Variants in DIP2C observed in about 807,000 individuals in gnomAD.
DIP2C encodes disco-interacting protein 2 homolog C.
DIP2C carries 33 observed loss-of-function variants against 192.4 expected under a neutral mutation model. That is an observed-to-expected ratio of 0.17 (90% CI 0.13 to 0.23). The LOEUF (loss-of-function observed/expected upper bound fraction) is 0.23, where lower values mean the gene tolerates loss of function less well. Among genes scored for constraint, DIP2C ranks in the 10% least tolerant of loss-of-function variants. The probability of loss-of-function intolerance (pLI) is 1.00; values close to 1 mark genes in which losing one functional copy is unlikely to be tolerated. For missense variants in DIP2C, 1,537 were observed against 2,110.1 expected (o/e 0.73, Z 5.32); for synonymous variants, 979 against 864.1 (o/e 1.13, Z -2.33).
chr10:516,937 CCAT>C (rs916482993), intron 1 of DIP2C, among the ~76,000 whole-genome samples: 2 of 150,382 alleles, frequency 1.3e-5, no homozygotes, highest in Non-Finnish European at 3.0e-5. Context: ...AGGCCCGGGG[CCAT>C]CATCAGCCAG....
At chr10:541,091 G>GATGCTGGGGAGCCACAACACCCA (rs2130901123) in intron 1 of DIP2C, among the ~76,000 whole-genome samples, 1 of 146,458 alleles carries the variant, frequency 6.8e-6, no homozygotes, top group Non-Finnish European at 1.5e-5. Context: ...CACAACACCC[G>GATGCTGGGGAGCCACAACACCCA]ATGCTGGGGA....
intron 1 of DIP2C, among the ~76,000 whole-genome samples, chr10:509,660 G>C (rs953186597): frequency 1.3e-5 from 2 of 152,240 alleles, no homozygotes; most frequent in East Asian, 1.9e-4. Flanking sequence ...CCAGACGAGA[G>C]AGAGGCATCT....
rs575356276 is a variant in DIP2C, at chr10:274,984, A to G, written c.*2341T>C. ...CTTTCTCTTGCACAACCAAATTTCAATCTCAGTCCACCAACTCTTTTGAGC... is the reference window on the plus strand; with the variant it reads ...CTTTCTCTTGCACAACCAAATTTCAGTCTCAGTCCACCAACTCTTTTGAGC... On this transcript the variant is annotated 3_prime_UTR_variant, in exon 37 of 37. Coordinates refer to ENST00000280886, the MANE Select transcript of DIP2C (RefSeq NM_014974.3). 6.6e-6 allele frequency: 1 copy of G among 152,332 alleles called. No homozygotes were observed. Among genetic ancestry groups the G allele is most frequent in the East Asian group, 1.9e-4 (1 of 5,196 alleles). The allele number at this position is 152,332 out of a possible 1,614,324, so 9.4% of individuals were successfully genotyped here.
At chr10:336,921 T>TG (rs59758615) in intron 29 of DIP2C, among the ~76,000 whole-genome samples, 30 of 49,992 alleles carry the variant, frequency 6.0e-4, no homozygotes, top group South Asian at 1.3e-3. Flanking sequence ...TGTGTGTGTG[T>TG]TGTGGAGGCC....
intron 3 of DIP2C, among the ~76,000 whole-genome samples, chr10:459,869 A>G (rs927822628): frequency 6.8e-6 from 1 of 146,168 alleles, no homozygotes; most frequent in African/African-American, 2.7e-5. Flanking sequence ...TCTCACAGTC[A>G]CATCAGGGAA....
chr10:342,745 A>G (rs1017500874), intron 28 of DIP2C, among the ~76,000 whole-genome samples: 2 of 152,116 alleles, frequency 1.3e-5, no homozygotes, highest in Non-Finnish European at 2.9e-5. Flanking sequence ...ATCTTCCACC[A>G]TCCTGCATGG....
In DIP2C at chr10:367,142, A is replaced by G. The variant is rs181041258; in HGVS notation, c.2132-731T>C. On this transcript the variant is annotated intron_variant, in intron 18 of 36. Transcript: ENST00000280886. ...GAAGAAAGATTCACATTAAGGCCGGACGCGGTGGCTCACGCCTGTAATCCC... is the reference window on the plus strand; with the variant it reads ...GAAGAAAGATTCACATTAAGGCCGGGCGCGGTGGCTCACGCCTGTAATCCC... Among the ~76,000 whole-genome samples, 89 of 152,308 alleles carry G rather than the reference A, an allele frequency of 5.8e-4. 1 individual carries two copies. The highest frequency in any genetic ancestry group is 3.4e-3 in the Middle Eastern group (1 of 294).
chr10:316,249 G>A (rs936630752), intron 31 of DIP2C, among the ~76,000 whole-genome samples: 7 of 152,042 alleles, frequency 4.6e-5, no homozygotes, highest in South Asian at 2.1e-4. Flanking sequence ...TATGAAAAAC[G>A]AAGATTGTAT....
At chr10:484,981 A>G in intron 2 of DIP2C, 1 of 1,575,226 alleles carries the variant, frequency 6.3e-7, no homozygotes, top group Non-Finnish European at 8.6e-7. Flanking sequence ...TAATTAATTC[A>G]AACTTTAGTT....
chr10:360,821 C>T (rs1227239844), intron 22 of DIP2C, among the ~76,000 whole-genome samples: 2 of 152,194 alleles, frequency 1.3e-5, no homozygotes, highest in Non-Finnish European at 2.9e-5. Context: ...GTAAGAAAGG[C>T]AATTTGGGTG....
intron 1 of DIP2C, among the ~76,000 whole-genome samples, chr10:490,287 C>A (rs1453927609): frequency 6.6e-6 from 1 of 152,236 alleles, no homozygotes; most frequent in African/African-American, 2.4e-5. Flanking sequence ...TCTCACCTTG[C>A]GTCCATCAGG....
chr10:517,400 T>G (rs1430643133), intron 1 of DIP2C, among the ~76,000 whole-genome samples: 1 of 152,124 alleles, frequency 6.6e-6, no homozygotes, highest in African/African-American at 2.4e-5. Context: ...GCAGCTGTTT[T>G]CTGGGGAAAG....
chr10:329,589 C>T lies in DIP2C; in HGVS notation c.3597G>A (p.Gly1199=), dbSNP rs747942350. The change falls in exon 30 of 37, where the codon GGG becomes GGA. Residue 1199 remains glycine (G), a synonymous_variant. Transcript: ENST00000280886. ...VLWCLCSVYS[G]HQSILIPPSE... is the part of the protein sequence containing the mutation. ...AGGGCGGGATCAGGATGGACTGGTG[C>T]CCAGAATACACACTGCAGAGAAAGA... The T allele has an allele frequency of 4.3e-6, 7 of 1,613,786 alleles. No homozygotes were observed. The Admixed American group carries it at 8.3e-5, about 19-fold the overall frequency.
rs144874172 is a variant in DIP2C at position 281,286 on chromosome 10, G to A, written c.4332C>T (p.Asp1444=). Residue 1444 remains aspartate, a synonymous_variant, in exon 36 of 37, where the codon GAC becomes GAT. Coordinates refer to ENST00000280886, the MANE Select transcript of DIP2C (RefSeq NM_014974.3). ...GCATGCCCCGCAGCTCCATGGCTTC[G>A]TCCAGTGCCCCTACCACGTAGAGGG... The part of the protein sequence containing the change: ...HDALYVVGAL[D]EAMELRGMRY... 5,496 of 1,614,084 alleles carry A rather than the reference G, an allele frequency of 3.4e-3. 9 individuals are homozygous for A. Among genetic ancestry groups the A allele is most frequent in the Non-Finnish European group, 4.2e-3 (4,999 of 1,179,992 alleles).
intron 13 of DIP2C, 120 bp from the exon 14 acceptor site, chr10:387,929 G>T (rs1467953673): frequency 1.1e-5 from 13 of 1,173,674 alleles, no homozygotes; most frequent in Non-Finnish European, 1.5e-5. Flanking sequence ...ATATCATTTT[G>T]CCGTATCTTG....
At chr10:678,287 G>A (rs1483960155) in intron 1 of DIP2C, among the ~76,000 whole-genome samples, 1 of 152,138 alleles carries the variant, frequency 6.6e-6, no homozygotes, top group Non-Finnish European at 1.5e-5. Flanking sequence ...ATCCTTCCCA[G>A]CTTTCCTCTG....
At chr10:461,362 G>A (rs1459954165) in intron 3 of DIP2C, among the ~76,000 whole-genome samples, 2 of 151,386 alleles carry the variant, frequency 1.3e-5, no homozygotes, top group African/African-American at 4.8e-5. Context: ...TATTTACAAA[G>A]CAAAAAAAGC....
intron 32 of DIP2C, among the ~76,000 whole-genome samples, chr10:295,068 C>A (rs1317154942): frequency 6.6e-6 from 1 of 151,828 alleles, no homozygotes; most frequent in Non-Finnish European, 1.5e-5. Flanking sequence ...ATGAAAAATG[C>A]TCAACATCAC....
chr10:575,694 G>A (rs1348032051), intron 1 of DIP2C, among the ~76,000 whole-genome samples: 1 of 152,090 alleles, frequency 6.6e-6, no homozygotes, highest in Non-Finnish European at 1.5e-5. Flanking sequence ...AACTGTTCCT[G>A]GAGGAGAACA....
Sources: gnomAD v4.1 joint callset for allele counts (sites outside exome capture counted in the v4.1 genomes callset) on GRCh38, gnomAD v4.1.1 for gene constraint, MANE v1.5 for transcripts, NCBI Gene and HGNC (gene_info 2026-07-23, HGNC 2026-07-21) for gene names.